Variants in SH3RF1 observed in about 807,000 individuals in gnomAD.
SH3RF1 encodes the protein E3 ubiquitin-protein ligase SH3RF1.
SH3RF1 carries 32 observed loss-of-function variants against 74.0 expected under a neutral mutation model. The ratio of observed to expected loss-of-function variants is 0.43; its 90% confidence interval spans 0.33 to 0.58. SH3RF1 has a LOEUF of 0.58. Among genes scored for constraint, SH3RF1 ranks in the 20% least tolerant of loss-of-function variants. The probability of loss-of-function intolerance (pLI) is 0.05; values close to 1 mark genes in which losing one functional copy is unlikely to be tolerated. For missense variants in SH3RF1, 954 were observed against 1,130.9 expected (o/e 0.84, Z 2.24); for synonymous variants, 396 against 439.6 (o/e 0.90, Z 1.24).
chr4:169,116,467 G>C lies in SH3RF1; in HGVS notation c.1941C>G (p.Ile647Met). ...GAGGGGCACTGGCTCGACTGATACTGATGGCAGCAGTGTGCGTGGCTGAGC... is the reference window on the plus strand; with the variant it reads ...GAGGGGCACTGGCTCGACTGATACTCATGGCAGCAGTGTGCGTGGCTGAGC... ...MPGSATHTAA[I>M]SISRASAPLA... Residue 647 changes from isoleucine to methionine, a missense_variant, in exon 10 of 12, where the codon ATC becomes ATG. Physicochemically the swap from Ile to Met is conservative, Grantham distance 10. Transcript: ENST00000284637. 6.2e-7 allele frequency: 1 copy of C among 1,614,030 alleles called. No individual in the cohort carries two copies. The highest frequency in any genetic ancestry group is 8.5e-7 in the Non-Finnish European group (1 of 1,179,980).
At position 169,254,824 on chromosome 4, in the gene SH3RF1, G is replaced by A. The variant is rs528845808; in HGVS notation, c.393+13996C>T. ...GCACAGCAAGCAGGGGTTGGATAGCGTCCAAAGGAGAGTGACTAAAATGAT... is the reference window on the plus strand; with the variant it reads ...GCACAGCAAGCAGGGGTTGGATAGCATCCAAAGGAGAGTGACTAAAATGAT... On this transcript the variant is annotated intron_variant, in intron 2 of 11. Coordinates refer to ENST00000284637, the MANE Select transcript of SH3RF1 (RefSeq NM_020870.4). Among the ~76,000 whole-genome samples the A allele has an allele frequency of 5.9e-5, 9 of 152,294 alleles. No individual in the cohort carries two copies. In the East Asian group the frequency reaches 7.7e-4, roughly 13 times the overall value.
chr4:169,176,055 C>T (rs1561044887), intron 2 of SH3RF1, among the ~76,000 whole-genome samples: 1 of 152,198 alleles, frequency 6.6e-6, no homozygotes, highest in Non-Finnish European at 1.5e-5. Flanking sequence ...GGCCATGGAG[C>T]ACACAGTAAG....
At chr4:169,182,500 G>C (rs766439634) in intron 2 of SH3RF1, among the ~76,000 whole-genome samples, 1 of 152,220 alleles carries the variant, frequency 6.6e-6, no homozygotes, top group Non-Finnish European at 1.5e-5. Context: ...TGAAGGTTTT[G>C]AGGGTATAGA....
intron 2 of SH3RF1, among the ~76,000 whole-genome samples, chr4:169,180,159 G>A (rs1031664662): frequency 1.3e-5 from 2 of 152,168 alleles, no homozygotes; most frequent in African/African-American, 2.4e-5. Context: ...GCAGCAAAAC[G>A]CAACCCAGGC....
chr4:169,156,374 A>C (rs751362072), intron 3 of SH3RF1, 30 bp downstream of exon 3: 1 of 1,527,916 alleles, frequency 6.5e-7, no homozygotes, highest in Admixed American at 2.0e-5. Context: ...TAGAGCTGGC[A>C]AACAGAAAAC....
At chr4:169,192,199 GA>G (rs1287763963) in intron 2 of SH3RF1, among the ~76,000 whole-genome samples, 3 of 151,718 alleles carry the variant, frequency 2.0e-5, no homozygotes, top group African/African-American at 7.2e-5. Flanking sequence ...AAATCAACAA[GA>G]AAAAAACAAT....
chr4:169,181,366 G>C (rs1438728113), intron 2 of SH3RF1, among the ~76,000 whole-genome samples: 1 of 149,698 alleles, frequency 6.7e-6, no homozygotes. Context: ...AGGTTCAAGC[G>C]ATTCTCCTGC....
At chr4:169,169,605 A>AACAAAAAT (rs1734293733) in intron 2 of SH3RF1, among the ~76,000 whole-genome samples, 1 of 152,050 alleles carries the variant, frequency 6.6e-6, no homozygotes, top group Non-Finnish European at 1.5e-5. Context: ...TCAAAAAATA[A>AACAAAAAT]AAAAAAATAA....
intron 11 of SH3RF1, among the ~76,000 whole-genome samples, chr4:169,103,078 G>A (rs562460371): frequency 1.3e-4 from 19 of 141,990 alleles, no homozygotes; most frequent in Admixed American, 7.5e-4. Context: ...CCGCCACCGC[G>A]CCTGGCTATT....
chr4:169,249,737 C>T (rs889334821), intron 2 of SH3RF1, among the ~76,000 whole-genome samples: 13 of 152,104 alleles, frequency 8.5e-5, no homozygotes, highest in African/African-American at 2.9e-4. Context: ...TAAGTAAATA[C>T]GTAGGAGGAA....
chr4:169,173,915 T>C (rs1188585463), intron 2 of SH3RF1, among the ~76,000 whole-genome samples: 1 of 151,994 alleles, frequency 6.6e-6, no homozygotes, highest in Non-Finnish European at 1.5e-5. Flanking sequence ...AAAAATAAGA[T>C]CACCCTACCC....
chr4:169,248,131 T>C (rs539167090), intron 2 of SH3RF1, among the ~76,000 whole-genome samples: 2 of 152,292 alleles, frequency 1.3e-5, no homozygotes, highest in South Asian at 2.1e-4. Context: ...AGCAATCCCA[T>C]TGGTGGATAT....
chr4:169,238,277 A>T (rs1425590914), intron 2 of SH3RF1, among the ~76,000 whole-genome samples: 1 of 152,220 alleles, frequency 6.6e-6, no homozygotes, highest in Non-Finnish European at 1.5e-5. Flanking sequence ...AATACTCCGC[A>T]CAGCAGGGAG....
intron 2 of SH3RF1, among the ~76,000 whole-genome samples, chr4:169,159,893 C>T (rs1357308895): frequency 2.0e-5 from 3 of 152,172 alleles, no homozygotes; most frequent in African/African-American, 7.2e-5. Flanking sequence ...CTGAAGCACA[C>T]ATTTGTTTTC....
At chr4:169,145,180 C>A (rs543116737) in intron 4 of SH3RF1, among the ~76,000 whole-genome samples, 109 of 152,248 alleles carry the variant, frequency 7.2e-4, no homozygotes, top group Non-Finnish European at 1.2e-3. Context: ...ACGAAATCAA[C>A]CTGAGTGTCC....
chr4:169,159,136 G>C (rs922321761), intron 2 of SH3RF1, among the ~76,000 whole-genome samples: 2 of 152,078 alleles, frequency 1.3e-5, no homozygotes, highest in African/African-American at 4.8e-5. Flanking sequence ...AAGCAATTCT[G>C]CTGTGCCCAG....
At chr4:169,145,777 ATATTCTATATAT>A (rs1733867289) in intron 4 of SH3RF1, among the ~76,000 whole-genome samples, 1 of 134,726 alleles carries the variant, frequency 7.4e-6, no homozygotes, top group South Asian at 2.5e-4. Context: ...AAAATATTAT[ATATTCTATATAT>A]TATTCTATAT....
rs766337609 is a variant in SH3RF1 at position 169,268,825 on chromosome 4, C to A, written c.388G>T (p.Val130Leu). The stretch of plus-strand genomic sequence containing the variant: ...TACCTCTGTAGGCTACTTACCCTCA[C>A]TGGGGGGCTCCAGGATTGCACCCGA... ...QPRVQSWSPP[V>L]RGIPQLPCAK... Residue 130 changes from valine to leucine, a missense_variant, in exon 2 of 12, where the codon GTG becomes TTG. Coordinates refer to ENST00000284637, the MANE Select transcript of SH3RF1 (RefSeq NM_020870.4). The A allele has an allele frequency of 8.2e-6, 13 of 1,591,790 alleles. No homozygotes were observed. Among genetic ancestry groups the A allele is most frequent in the Non-Finnish European group, 3.4e-6 (4 of 1,170,694 alleles).
chr4:169,215,958 C>T (rs372148954), intron 2 of SH3RF1, among the ~76,000 whole-genome samples: 1 of 152,024 alleles, frequency 6.6e-6, no homozygotes, highest in Non-Finnish European at 1.5e-5. Flanking sequence ...CACACACCAC[C>T]ATGCCTGGTT....
Sources: allele counts gnomAD v4.1 joint callset (sites outside exome capture counted in the v4.1 genomes callset), GRCh38; gene constraint gnomAD v4.1.1; transcripts MANE v1.5; gene names NCBI Gene and HGNC (gene_info 2026-07-23, HGNC 2026-07-21).